EXOC2: variants seen among roughly 807,000 people sequenced by gnomAD.
EXOC2 encodes exocyst complex component 2.
EXOC2 carries 70 observed loss-of-function variants against 131.8 expected under a neutral mutation model. The observed-to-expected ratio is 0.53, with a 90% CI of 0.44 to 0.65. The LOEUF (loss-of-function observed/expected upper bound fraction) is 0.65. Ranked by LOEUF, EXOC2 falls within the 30% of genes least tolerant of loss-of-function variation. The probability of loss-of-function intolerance (pLI) is 0.00; values close to 1 mark genes in which losing one functional copy is unlikely to be tolerated. For synonymous variants in EXOC2, 411 were observed against 398.4 expected, an observed-to-expected ratio of 1.03 and a Z score of -0.38; for missense variants, 923 against 1,108.6, an observed-to-expected ratio of 0.83 and a Z score of 2.38.
At chr6:681,218 T>G (rs563559193) in intron 1 of EXOC2, among the ~76,000 whole-genome samples, 1 of 152,310 alleles carries the variant, frequency 6.6e-6, no homozygotes, top group East Asian at 1.9e-4. Context: ...CCTCCTGATC[T>G]TCAATACAAT....
At chr6:617,251 C>T (rs186371410) in intron 6 of EXOC2, among the ~76,000 whole-genome samples, 159 of 152,322 alleles carry the variant, frequency 1.0e-3, no homozygotes, top group Non-Finnish European at 1.9e-3. Context: ...CTCCATACAA[C>T]GTCCCTCCCA....
At chr6:659,605 C>G (rs1204684757) in intron 1 of EXOC2, among the ~76,000 whole-genome samples, 1 of 152,200 alleles carries the variant, frequency 6.6e-6, no homozygotes, top group East Asian at 1.9e-4. Flanking sequence ...ACTGGAGAAG[C>G]TGAAGGTCTG....
intron 23 of EXOC2, among the ~76,000 whole-genome samples, chr6:514,853 G>C (rs1765055521): frequency 6.6e-6 from 1 of 152,206 alleles, no homozygotes; most frequent in Non-Finnish European, 1.5e-5. Context: ...GGCGGAGTCG[G>C]AGGGGAGCGA....
chr6:621,977 A>T (rs1420849652), intron 4 of EXOC2, among the ~76,000 whole-genome samples: 1 of 152,172 alleles, frequency 6.6e-6, no homozygotes, highest in Non-Finnish European at 1.5e-5. Context: ...CTAAGCTGTG[A>T]CATGCTGAAC....
At chr6:526,685 C>T (rs1453508351) in intron 23 of EXOC2, among the ~76,000 whole-genome samples, 2 of 152,058 alleles carry the variant, frequency 1.3e-5, no homozygotes, top group African/African-American at 4.8e-5. Flanking sequence ...GGTGATCCGC[C>T]CGCCTCAGCC....
At chr6:604,433 C>T (rs1188602738) in intron 7 of EXOC2, among the ~76,000 whole-genome samples, 1 of 152,198 alleles carries the variant, frequency 6.6e-6, no homozygotes, top group African/African-American at 2.4e-5. Flanking sequence ...CTACCGTCCA[C>T]TTCTGGCTGC....
chr6:648,394 A>G (rs1348508630), intron 1 of EXOC2, among the ~76,000 whole-genome samples: 1 of 152,264 alleles, frequency 6.6e-6, no homozygotes, highest in African/African-American at 2.4e-5. Flanking sequence ...GAACATTTTC[A>G]GTTTGACGAT....
chr6:564,291 A>G, intron 15 of EXOC2, 137 bp from the exon 16 acceptor site: 1 of 1,311,600 alleles, frequency 7.6e-7, no homozygotes, highest in South Asian at 1.5e-5. Context: ...ACAGACCACA[A>G]CTGGGACTGT....
At chr6:683,010 C>T (rs1006675122) in intron 1 of EXOC2, among the ~76,000 whole-genome samples, 2 of 152,048 alleles carry the variant, frequency 1.3e-5, no homozygotes, top group South Asian at 2.1e-4. Flanking sequence ...TACACCAGGG[C>T]GAGGAGTGAA....
At chr6:641,108 G>A (rs933351206) in intron 1 of EXOC2, among the ~76,000 whole-genome samples, 4 of 152,108 alleles carry the variant, frequency 2.6e-5, no homozygotes, top group African/African-American at 7.2e-5. Context: ...CACAAAAGGC[G>A]GATGTGTGTT....
chr6:590,327 G>T (rs180778500), intron 11 of EXOC2, among the ~76,000 whole-genome samples: 4 of 152,278 alleles, frequency 2.6e-5, no homozygotes, highest in Non-Finnish European at 4.4e-5. Flanking sequence ...CATTAATGGG[G>T]ATGTTGACAT....
rs1763404706 is a variant in EXOC2 at position 491,106 on chromosome 6, A to G, written c.2621+19T>C. ...TTTATTTTTAATAGAGCACTCAACTAAAGAACACTGCCACTTACTTGCTTT... is the reference window on the plus strand; with the variant it reads ...TTTATTTTTAATAGAGCACTCAACTGAAGAACACTGCCACTTACTTGCTTT... On this transcript the variant is annotated intron_variant, in intron 26 of 27. Coordinates refer to ENST00000230449, the MANE Select transcript of EXOC2 (RefSeq NM_018303.6). The G allele has an allele frequency of 2.5e-6, 4 of 1,613,606 alleles. No individual in the cohort carries two copies. Among genetic ancestry groups the G allele is most frequent in the South Asian group, 1.1e-5 (1 of 91,070 alleles).
intron 1 of EXOC2, among the ~76,000 whole-genome samples, chr6:690,288 C>A (rs1029615851): frequency 1.3e-5 from 2 of 152,020 alleles, no homozygotes; most frequent in African/African-American, 4.8e-5. Flanking sequence ...TCATGGCGCT[C>A]AAGGCTGCAG....
Position 593,190 on chromosome 6 carries a change from T to C in EXOC2, c.1074-603A>G, listed in dbSNP as rs61650421. ...TGATGAGCATTTTTCTTTATATTTA[T>C]ATTTAGTTCACAGGAGTTTTTCTAC... is the stretch of plus-strand genomic sequence containing the variant. On this transcript the variant is annotated intron_variant, in intron 10 of 27. Transcript: ENST00000230449. 4.9e-3 allele frequency among the ~76,000 whole-genome samples: 745 copies of C among 152,360 alleles called. 7 individuals carry two copies. The highest frequency in any genetic ancestry group is 0.017 in the African/African-American group (702 of 41,580).
intron 2 of EXOC2, 78 bp from the exon 3 acceptor site, chr6:633,195 A>C: frequency 6.8e-7 from 1 of 1,460,238 alleles, no homozygotes; most frequent in Non-Finnish European, 9.3e-7. Context: ...TACATTTTTT[A>C]AATCTAGTCT....
chr6:687,263 TC>T (rs1764705939), intron 1 of EXOC2, among the ~76,000 whole-genome samples: 1 of 130,524 alleles, frequency 7.7e-6, no homozygotes, highest in African/African-American at 2.8e-5. Context: ...CACTGCAGCC[TC>T]AGGTGATCCA....
intron 16 of EXOC2, among the ~76,000 whole-genome samples, chr6:563,353 G>A (rs1056144602): frequency 6.6e-6 from 1 of 152,168 alleles, no homozygotes; most frequent in Non-Finnish European, 1.5e-5. Context: ...TCAACTAAGA[G>A]GGGAATATCC....
chr6:617,188 A>C lies in EXOC2; in HGVS notation c.661+523T>G, dbSNP rs1761057500. 5.3e-5 allele frequency among the ~76,000 whole-genome samples: 8 copies of C among 152,246 alleles called. No individual in the cohort carries two copies. The South Asian group carries it at 1.7e-3, about 32-fold the overall frequency. On this transcript the variant is annotated intron_variant, in intron 6 of 27. Coordinates refer to ENST00000230449, the MANE Select transcript of EXOC2 (RefSeq NM_018303.6). ...ATTAATTAAAAGCAGTTTTATAAAAAAAAAACTCTACCAACATCTTGCATT... is the reference window on the plus strand; with the variant it reads ...ATTAATTAAAAGCAGTTTTATAAAACAAAAACTCTACCAACATCTTGCATT...
intron 1 of EXOC2, among the ~76,000 whole-genome samples, chr6:691,218 G>T (rs751665572): frequency 1.1e-4 from 17 of 152,124 alleles, no homozygotes; most frequent in Non-Finnish European, 2.2e-4. Context: ...CTTACATAAT[G>T]GGCTCCCAAG....
Sources: allele counts gnomAD v4.1 joint callset (sites outside exome capture counted in the v4.1 genomes callset), GRCh38; gene constraint gnomAD v4.1.1; transcripts MANE v1.5; gene names NCBI Gene and HGNC (gene_info 2026-07-23, HGNC 2026-07-21).